Variants in MCPH1 observed in about 807,000 individuals in gnomAD.
MCPH1 encodes microcephalin.
Under a neutral mutation model 84.5 loss-of-function variants are expected in MCPH1, and 104 were observed. The ratio of observed to expected loss-of-function variants is 1.23; its 90% confidence interval spans 1.05 to 1.45. The LOEUF is 1.45. Among genes scored for constraint, MCPH1 ranks in the 40% most tolerant of loss-of-function variants. The pLI, the probability that MCPH1 is intolerant of heterozygous loss-of-function variation, is 0.00. For missense variants in MCPH1, 1,498 were observed against 1,005.7 expected (o/e 1.49, Z -6.62); for synonymous variants, 514 against 366.8 (o/e 1.40, Z -4.58).
intron 12 of MCPH1, chr8:6,514,715 T>G (rs1357975756): frequency 6.2e-7 from 1 of 1,614,020 alleles, no homozygotes; most frequent in South Asian, 1.1e-5. Flanking sequence ...AAATCAACGC[T>G]GCCATCCTCA....
intron 12 of MCPH1, 84 bp downstream of exon 12, chr8:6,500,013 T>C: frequency 8.5e-7 from 1 of 1,172,322 alleles, no homozygotes; most frequent in Non-Finnish European, 1.3e-6. Flanking sequence ...GACTTAAGTT[T>C]TTATCCAGTC....
At chr8:6,422,575 A>C (rs1193144766) in intron 3 of MCPH1, among the ~76,000 whole-genome samples, 1 of 152,108 alleles carries the variant, frequency 6.6e-6, no homozygotes, top group Non-Finnish European at 1.5e-5. Flanking sequence ...CCCCTGACTC[A>C]TTCTCTATCC....
intron 9 of MCPH1, 44 bp from the exon 10 acceptor site, chr8:6,477,550 A>G (rs759895128): frequency 1.3e-6 from 2 of 1,568,526 alleles, no homozygotes; most frequent in South Asian, 2.2e-5. Context: ...AATATTTTTT[A>G]TGTTTTTGAC....
intron 12 of MCPH1, among the ~76,000 whole-genome samples, chr8:6,511,478 C>G (rs1815081035): frequency 6.6e-6 from 1 of 152,052 alleles, no homozygotes; most frequent in Admixed American, 6.6e-5. Context: ...GAATGAAATT[C>G]TATTGATGCA....
chr8:6,608,636 A>T (rs1181363203), intron 12 of MCPH1, among the ~76,000 whole-genome samples: 2 of 152,154 alleles, frequency 1.3e-5, no homozygotes, highest in Non-Finnish European at 2.9e-5. Context: ...CTGTCATTAG[A>T]ATCGTCTGGG....
At chr8:6,443,995 A>G (rs1203754510) in intron 7 of MCPH1, among the ~76,000 whole-genome samples, 1 of 152,218 alleles carries the variant, frequency 6.6e-6, no homozygotes, top group East Asian at 1.9e-4. Context: ...CATTGAGGGA[A>G]TGTTTCATGC....
chr8:6,520,490 G>A (rs1300633464), intron 12 of MCPH1, among the ~76,000 whole-genome samples: 1 of 152,010 alleles, frequency 6.6e-6, no homozygotes, highest in East Asian at 1.9e-4. Flanking sequence ...CCTCCTCCCA[G>A]GTTTAAGTGA....
At chr8:6,443,681 G>T (rs968427104) in intron 7 of MCPH1, among the ~76,000 whole-genome samples, 1 of 152,242 alleles carries the variant, frequency 6.6e-6, no homozygotes, top group Non-Finnish European at 1.5e-5. Context: ...TGTAGCAGAG[G>T]GGGCAAGGCC....
rs1832055237 is a variant in MCPH1 at position 6,626,165 on chromosome 8, G to A, written c.2452+4474G>A. 10 of 985,152 alleles carry A rather than the reference G, an allele frequency of 1.0e-5. No homozygotes were observed. In the South Asian group the frequency reaches 4.2e-4, roughly 42 times the overall value. The allele number at this position is 985,152 out of a possible 1,614,324, so 61.0% of individuals were successfully genotyped here. A position where few individuals can be genotyped will look rare whatever the true frequency, so the allele number is the denominator to read the frequency against. On this transcript the variant is annotated intron_variant, in intron 13 of 13. Transcript: ENST00000344683. ...AATTTCTTTCGACCTCAGCTCTGAG[G>A]TGACCCTCAGCTCGCCCGCCACCCC... is the stretch of plus-strand genomic sequence containing the variant.
At chr8:6,477,560 C>A in intron 9 of MCPH1, 34 bp from the exon 10 acceptor site, 1 of 1,597,514 alleles carries the variant, frequency 6.3e-7, no homozygotes, top group Non-Finnish European at 8.6e-7. Flanking sequence ...ATGTTTTTGA[C>A]TGTTTTTTGT....
intron 12 of MCPH1, among the ~76,000 whole-genome samples, chr8:6,557,179 G>C (rs966344610): frequency 6.6e-6 from 1 of 152,182 alleles, no homozygotes; most frequent in African/African-American, 2.4e-5. Flanking sequence ...GCTTTTGTCA[G>C]AGGAGGGGAT....
intron 13 of MCPH1, among the ~76,000 whole-genome samples, chr8:6,633,503 T>C (rs1015283246): frequency 6.6e-6 from 1 of 152,200 alleles, no homozygotes; most frequent in African/African-American, 2.4e-5. Flanking sequence ...CTTAAACTTT[T>C]TGAGTGCCAA....
chr8:6,531,185 C>T lies in MCPH1; in HGVS notation c.2214+31256C>T, dbSNP rs998440018. On this transcript the variant is annotated intron_variant, in intron 12 of 13. Coordinates refer to ENST00000344683, the MANE Select transcript of MCPH1 (RefSeq NM_024596.5). ...TTTTCCCTTTCCCACCCAGGCCGTT[C>T]GCTGGGTCACATGTTGTGCATCATT... Among the ~76,000 whole-genome samples the T allele has an allele frequency of 1.1e-4, 17 of 151,534 alleles. 1 individual carries two copies. The highest frequency in any genetic ancestry group is 9.9e-4 in the Admixed American group (15 of 15,216).
chr8:6,540,003 G>A (rs1296925023), intron 12 of MCPH1, among the ~76,000 whole-genome samples: 1 of 152,168 alleles, frequency 6.6e-6, no homozygotes, highest in Non-Finnish European at 1.5e-5. Flanking sequence ...ACTCCAAGAT[G>A]TATTAGGAAA....
chr8:6,557,277 T>G (rs1292590641), intron 12 of MCPH1, among the ~76,000 whole-genome samples: 1 of 152,122 alleles, frequency 6.6e-6, no homozygotes, highest in Non-Finnish European at 1.5e-5. Context: ...GCATGCCCCG[T>G]GTTTATAAGG....
chr8:6,506,295 C>T (rs867843138), intron 12 of MCPH1, among the ~76,000 whole-genome samples: 3 of 152,044 alleles, frequency 2.0e-5, no homozygotes, highest in Admixed American at 1.3e-4. Flanking sequence ...TAGGCTGGTT[C>T]ATTCATGGTC....
intron 12 of MCPH1, among the ~76,000 whole-genome samples, chr8:6,555,729 C>A (rs1024975365): frequency 3.9e-5 from 6 of 152,168 alleles, no homozygotes; most frequent in African/African-American, 1.4e-4. Flanking sequence ...TCCGAAAGTG[C>A]TGCGATTACA....
At chr8:6,524,166 G>C (rs1178438551) in intron 12 of MCPH1, among the ~76,000 whole-genome samples, 1 of 152,158 alleles carries the variant, frequency 6.6e-6, no homozygotes, top group Non-Finnish European at 1.5e-5. Flanking sequence ...ACATTGCAGA[G>C]TTTTGTTTTA....
intron 12 of MCPH1, among the ~76,000 whole-genome samples, chr8:6,613,332 G>A (rs986699177): frequency 2.6e-5 from 4 of 152,230 alleles, no homozygotes; most frequent in Non-Finnish European, 5.9e-5. Flanking sequence ...CAGGGGACTG[G>A]CACACCAGCC....
Sources: allele counts gnomAD v4.1 joint callset (sites outside exome capture counted in the v4.1 genomes callset), GRCh38; gene constraint gnomAD v4.1.1; transcripts MANE v1.5; gene names NCBI Gene and HGNC (gene_info 2026-07-23, HGNC 2026-07-21).